Variants in NCOA1 observed in about 807,000 individuals in gnomAD.
NCOA1 encodes the protein nuclear receptor coactivator 1, also known as Hin-2 protein.
In NCOA1, 35 loss-of-function variants were observed where a neutral mutation model predicts 150.9. The observed-to-expected ratio is 0.23, with a 90% CI of 0.18 to 0.31. The LOEUF (loss-of-function observed/expected upper bound fraction) is 0.31. Among genes scored for constraint, NCOA1 ranks in the 10% least tolerant of loss-of-function variants. NCOA1 has a pLI of 1.00. For missense variants in NCOA1, 1,491 were observed against 1,749.3 expected, an observed-to-expected ratio of 0.85 and a Z score of 2.63; for synonymous variants, 590 against 630.0, an observed-to-expected ratio of 0.94 and a Z score of 0.95.
Position 24,576,126 on chromosome 2 carries a change from G to A in NCOA1, c.-259-8350G>A, listed in dbSNP as rs114082815. On this transcript the variant is annotated intron_variant, in intron 2 of 22. Coordinates refer to ENST00000348332, the MANE Select transcript of NCOA1 (RefSeq NM_003743.5). Reference sequence around the variant, plus strand: ...AAACTATTCATAGCCTTGTGTGAGAGTTTCAGAAATTATTTGGCCTTTGTT... The same window carrying A: ...AAACTATTCATAGCCTTGTGTGAGAATTTCAGAAATTATTTGGCCTTTGTT... 5.2e-3 allele frequency among the ~76,000 whole-genome samples: 648 copies of A among 124,088 alleles called. 3 individuals are homozygous for A. Among genetic ancestry groups the A allele is most frequent in the Middle Eastern group, 0.025 (5 of 202 alleles). 81.4% of individuals were successfully genotyped at this position (124,088 alleles called of 152,430 possible).
Position 24,758,326 on chromosome 2 carries a change from CTTTTTTTTTTTT to C in NCOA1, c.4065+181_4065+192del, listed in dbSNP as rs772274757. ...ATATACAATGAAAAATTTTGACAGA[CTTTTTTTTTTTT>C]TTTTTTTTTTGAGATGGAGTCTCAC... On this transcript the variant is annotated intron_variant, in intron 21 of 22. Coordinates refer to ENST00000348332, the MANE Select transcript of NCOA1 (RefSeq NM_003743.5). Among the ~76,000 whole-genome samples the C allele has an allele frequency of 2.6e-4, 32 of 121,214 alleles. 1 individual carries two copies. The highest frequency in any genetic ancestry group is 9.3e-4 in the African/African-American group (30 of 32,180). The allele number at this position is 121,214 out of a possible 152,430, so 79.5% of individuals were successfully genotyped here.
intron 17 of NCOA1, among the ~76,000 whole-genome samples, chr2:24,733,441 A>G (rs1476874268): frequency 6.6e-6 from 1 of 152,256 alleles, no homozygotes; most frequent in Non-Finnish European, 1.5e-5. Context: ...AACTATTTAT[A>G]TAGAAAATCC....
At position 24,644,043 on chromosome 2, in the gene NCOA1, C is replaced by G. The variant is rs536407006; in HGVS notation, c.-97C>G. 6.6e-6 allele frequency: 1 copy of G among 152,218 alleles called. No homozygotes were observed. The highest frequency in any genetic ancestry group is 2.4e-5 in the African/African-American group (1 of 41,526). The allele number at this position is 152,218 out of a possible 1,614,324, so 9.4% of individuals were successfully genotyped here. On this transcript the variant is annotated 5_prime_UTR_variant, in exon 4 of 23. Coordinates refer to ENST00000348332, the MANE Select transcript of NCOA1 (RefSeq NM_003743.5). ...CTCTGGAAAACATCATTATCCCATT[C>G]CCCGGGAAGCTACCCTCTGGAACTC...
At chr2:24,674,461 C>T (rs1160642926) in intron 7 of NCOA1, among the ~76,000 whole-genome samples, 5 of 152,158 alleles carry the variant, frequency 3.3e-5, no homozygotes, top group African/African-American at 1.2e-4. Context: ...CCACCTCGGC[C>T]TCCCAAAGTG....
chr2:24,596,900 T>TTAA (rs1667907805), intron 3 of NCOA1, among the ~76,000 whole-genome samples: 1 of 152,204 alleles, frequency 6.6e-6, no homozygotes, highest in Non-Finnish European at 1.5e-5. Context: ...GTTAATCCAT[T>TTAA]TGGCTTTTCA....
intron 1 of NCOA1, among the ~76,000 whole-genome samples, chr2:24,535,732 A>G (rs551283787): frequency 1.3e-4 from 20 of 152,304 alleles, no homozygotes; most frequent in African/African-American, 4.6e-4. Flanking sequence ...TGGATATGAA[A>G]TTCTGGGTTG....
intron 3 of NCOA1, among the ~76,000 whole-genome samples, chr2:24,639,946 A>AT (rs1221232057): frequency 2.9e-5 from 1 of 34,282 alleles, no homozygotes; most frequent in Non-Finnish European, 7.0e-5. Flanking sequence ...ATATATATAT[A>AT]TATATATATA....
intron 22 of NCOA1, among the ~76,000 whole-genome samples, chr2:24,763,990 T>C (rs1321472645): frequency 6.6e-6 from 1 of 152,090 alleles, no homozygotes; most frequent in Non-Finnish European, 1.5e-5. Flanking sequence ...GGAAGACACA[T>C]AAGATATGTT....
chr2:24,494,653 T>A (rs1180228481), intron 1 of NCOA1, among the ~76,000 whole-genome samples: 1 of 152,174 alleles, frequency 6.6e-6, no homozygotes, highest in Non-Finnish European at 1.5e-5. Context: ...CAAAAATGTT[T>A]TGGAGGGTTC....
At chr2:24,704,115 C>T (rs755273409) in intron 11 of NCOA1, among the ~76,000 whole-genome samples, 8 of 152,080 alleles carry the variant, frequency 5.3e-5, no homozygotes, top group Non-Finnish European at 8.8e-5. Flanking sequence ...AGTTTTTGTT[C>T]CTTATACTAA....
chr2:24,556,534 A>G (rs892544094), intron 1 of NCOA1, among the ~76,000 whole-genome samples: 1 of 152,210 alleles, frequency 6.6e-6, no homozygotes, highest in African/African-American at 2.4e-5. Flanking sequence ...CAAATTTATA[A>G]GAAAAAGGCA....
At chr2:24,658,546 A>G (rs1671044154) in intron 4 of NCOA1, 115 bp from the exon 5 acceptor site, 1 of 666,680 alleles carries the variant, frequency 1.5e-6, no homozygotes, top group Non-Finnish European at 2.7e-6. Context: ...GTAATTATCT[A>G]TTCATTGATA....
At chr2:24,746,281 G>C (rs757765908) in intron 19 of NCOA1, among the ~76,000 whole-genome samples, 1 of 152,204 alleles carries the variant, frequency 6.6e-6, no homozygotes, top group Non-Finnish European at 1.5e-5. Flanking sequence ...GGTGGCTCAC[G>C]CCTGTAATGC....
intron 13 of NCOA1, among the ~76,000 whole-genome samples, chr2:24,708,935 A>G (rs761625829): frequency 1.4e-4 from 21 of 152,120 alleles, no homozygotes; most frequent in Admixed American, 3.9e-4. Context: ...TCACAAACCA[A>G]TTCAAATAAC....
At chr2:24,603,172 T>A (rs983566389) in intron 3 of NCOA1, among the ~76,000 whole-genome samples, 4 of 110,198 alleles carry the variant, frequency 3.6e-5, no homozygotes, top group African/African-American at 5.3e-5. Flanking sequence ...TGCAATAGCA[T>A]TGTGTCTAAA....
chr2:24,532,842 T>A (rs946333612), intron 1 of NCOA1, among the ~76,000 whole-genome samples: 2 of 152,210 alleles, frequency 1.3e-5, no homozygotes, highest in Non-Finnish European at 2.9e-5. Context: ...ACCATGCTGT[T>A]TTGGTTACTG....
At chr2:24,719,295 G>T (rs551856355) in intron 14 of NCOA1, among the ~76,000 whole-genome samples, 1 of 152,232 alleles carries the variant, frequency 6.6e-6, no homozygotes, top group East Asian at 1.9e-4. Flanking sequence ...TAGGAAGATT[G>T]ATAGCCAAGG....
intron 19 of NCOA1, among the ~76,000 whole-genome samples, chr2:24,746,398 C>T (rs1462663612): frequency 1.2e-4 from 18 of 152,124 alleles, no homozygotes; most frequent in Admixed American, 1.2e-3. Flanking sequence ...CAAAAATCAG[C>T]TGGGTGTGGT....
chr2:24,575,919 A>C (rs1187509900), intron 2 of NCOA1, among the ~76,000 whole-genome samples: 1 of 152,068 alleles, frequency 6.6e-6, no homozygotes, highest in African/African-American at 2.4e-5. Flanking sequence ...TTTGGCATGC[A>C]GTTAAATTTT....
Sources: allele counts gnomAD v4.1 joint callset (sites outside exome capture counted in the v4.1 genomes callset), GRCh38; gene constraint gnomAD v4.1.1; transcripts MANE v1.5; gene names NCBI Gene and HGNC (gene_info 2026-07-23, HGNC 2026-07-21).